The following PMS1 variants were observed in gnomAD, a reference collection of about 807,000 sequenced individuals.
PMS1 encodes the protein PMS1 protein homolog 1.
In PMS1, 79 loss-of-function variants were observed where a neutral mutation model predicts 93.1. The ratio of observed to expected loss-of-function variants is 0.85; its 90% CI spans 0.71 to 1.02. The LOEUF (loss-of-function observed/expected upper bound fraction) is 1.02, where lower values mean the gene tolerates loss of function less well. Among genes scored for constraint, PMS1 ranks in the 50% least tolerant of loss-of-function variants. PMS1 has a pLI of 0.00. For missense variants in PMS1, 1,064 were observed against 1,085.3 expected (o/e 0.98, Z 0.28); for synonymous variants, 335 against 363.4 (o/e 0.92, Z 0.89).
chr2:189,853,508 T>C (rs1037076903), intron 7 of PMS1, among the ~76,000 whole-genome samples: 21 of 144,542 alleles, frequency 1.5e-4, no homozygotes, highest in Admixed American at 1.4e-3. Flanking sequence ...TGCTTTTCTT[T>C]TCTTTTCTTT....
intron 5 of PMS1, among the ~76,000 whole-genome samples, chr2:189,840,941 C>T (rs2053772022): frequency 6.6e-6 from 1 of 152,162 alleles, no homozygotes; most frequent in Non-Finnish European, 1.5e-5. Context: ...GGAGATTACA[C>T]AGCGTATCAC....
At chr2:189,875,955 C>CAAAAAAAA (rs561168809) in intron 12 of PMS1, among the ~76,000 whole-genome samples, 36 of 46,174 alleles carry the variant, frequency 7.8e-4, no homozygotes, top group African/African-American at 2.7e-3. Flanking sequence ...GACTCTGTCT[C>CAAAAAAAA]AAAAAAAAAA....
At chr2:189,805,308 A>G (rs954548590) in intron 3 of PMS1, among the ~76,000 whole-genome samples, 8 of 152,208 alleles carry the variant, frequency 5.3e-5, no homozygotes, top group African/African-American at 1.9e-4. Context: ...ATAGTCTGTT[A>G]AAAAGCAAGT....
chr2:189,794,918 G>A (rs1344760268), intron 2 of PMS1, among the ~76,000 whole-genome samples: 1 of 152,042 alleles, frequency 6.6e-6, no homozygotes, highest in Non-Finnish European at 1.5e-5. Context: ...ACAACAAAGT[G>A]AGACCCCACC....
chr2:189,876,211 TGA>T (rs1188227853), intron 12 of PMS1, among the ~76,000 whole-genome samples: 1 of 152,126 alleles, frequency 6.6e-6, no homozygotes, highest in Non-Finnish European at 1.5e-5. Context: ...AGTTACCTGC[TGA>T]GAGTGGAGGG....
chr2:189,840,517 A>T (rs540500748), intron 5 of PMS1, among the ~76,000 whole-genome samples: 1 of 152,238 alleles, frequency 6.6e-6, no homozygotes, highest in African/African-American at 2.4e-5. Context: ...AATTTAACAT[A>T]CTTTATGTCT....
intron 11 of PMS1, among the ~76,000 whole-genome samples, chr2:189,870,830 G>A: frequency 6.6e-6 from 1 of 152,166 alleles, no homozygotes; most frequent in East Asian, 1.9e-4. Flanking sequence ...ACCACACACA[G>A]TTTTGAGTTT....
chr2:189,857,948 A>G (rs1229113934), intron 9 of PMS1, among the ~76,000 whole-genome samples: 1 of 152,070 alleles, frequency 6.6e-6, no homozygotes, highest in African/African-American at 2.4e-5. Context: ...TAGAAGGAAC[A>G]TGGTGTTATT....
chr2:189,785,521 C>G, intron 1 of PMS1: 1 of 152,194 alleles, frequency 6.6e-6, no homozygotes, highest in East Asian at 1.9e-4. Flanking sequence ...GTATAGAGTG[C>G]TATATTCCAG....
At chr2:189,804,241 T>C (rs2050144340) in intron 3 of PMS1, among the ~76,000 whole-genome samples, 1 of 152,164 alleles carries the variant, frequency 6.6e-6, no homozygotes, top group African/African-American at 2.4e-5. Context: ...AGAAATAGAA[T>C]TCAGTTGACC....
At chr2:189,801,037 A>AT (rs1465594702) in intron 3 of PMS1, among the ~76,000 whole-genome samples, 1 of 152,066 alleles carries the variant, frequency 6.6e-6, no homozygotes, top group Non-Finnish European at 1.5e-5. Context: ...AATTTTTATA[A>AT]TTTTTTGTAG....
rs1692124776 is a variant in PMS1, at chr2:189,841,514, C to T, written c.583-2450C>T. Among the ~76,000 whole-genome samples, 4 of 152,244 alleles carry T rather than the reference C, an allele frequency of 2.6e-5. No individual in the cohort carries two copies. In the South Asian group the frequency reaches 8.3e-4, roughly 32 times the overall value. Reference sequence around the variant, plus strand: ...AGTCATTGATTATTGTCACCTTTTCCAGGAGAGTGCATTCCTTCATTTCTA... The same window carrying T: ...AGTCATTGATTATTGTCACCTTTTCTAGGAGAGTGCATTCCTTCATTTCTA... On this transcript the variant is annotated intron_variant, in intron 5 of 12. Coordinates refer to ENST00000441310, the MANE Select transcript of PMS1 (RefSeq NM_000534.5).
intron 5 of PMS1, among the ~76,000 whole-genome samples, chr2:189,838,338 G>GAA (rs534785581): frequency 1.3e-5 from 2 of 150,500 alleles, no homozygotes; most frequent in Non-Finnish European, 3.0e-5. Flanking sequence ...TTTCCCTAGG[G>GAA]AAAAAAAAAT....
chr2:189,835,906 CAAAAAA>C (rs3067429), intron 5 of PMS1, among the ~76,000 whole-genome samples: 1 of 87,014 alleles, frequency 1.1e-5, no homozygotes. Flanking sequence ...TAGCCTGTCT[CAAAAAA>C]AAAAAAAAAA....
intron 1 of PMS1, among the ~76,000 whole-genome samples, chr2:189,786,014 A>G (rs1461860674): frequency 6.6e-6 from 1 of 152,160 alleles, no homozygotes; most frequent in Non-Finnish European, 1.5e-5. Context: ...AATCCCAGCT[A>G]CTTGCAGGGC....
intron 4 of PMS1, among the ~76,000 whole-genome samples, chr2:189,807,309 A>G (rs755240523): frequency 2.6e-5 from 4 of 152,188 alleles, no homozygotes; most frequent in Non-Finnish European, 5.9e-5. Flanking sequence ...TATTTGATGT[A>G]GAATGATACA....
intron 1 of PMS1, among the ~76,000 whole-genome samples, chr2:189,786,556 C>T (rs191326179): frequency 1.3e-5 from 2 of 152,246 alleles, no homozygotes; most frequent in Admixed American, 1.3e-4. Flanking sequence ...GAGAGCATGG[C>T]CTTTGGAGTC....
rs2106213299 is a variant in PMS1, at chr2:189,791,916, G to A, written c.107G>A (p.Gly36Asp). 1 of 1,614,016 alleles carries A rather than the reference G, an allele frequency of 6.2e-7. No homozygotes were observed. Among genetic ancestry groups the A allele is most frequent in the Non-Finnish European group, 8.5e-7 (1 of 1,179,896 alleles). The change falls in exon 2 of 13, where the codon GGT becomes GAT. Residue 36 changes from glycine (G) to aspartate (D), a missense_variant. Gly to Asp is a moderately conservative substitution (Grantham distance 94). Coordinates refer to ENST00000441310, the MANE Select transcript of PMS1 (RefSeq NM_000534.5). The stretch of plus-strand genomic sequence containing the variant: ...CTTATTGAAAACTCCTTGGATGCTG[G>A]TGCCACAAGCGTAGATGTTAAACTG... ...KELIENSLDA[G>D]ATSVDVKLEN...
chr2:189,872,667 C>T (rs991025824), intron 11 of PMS1, among the ~76,000 whole-genome samples: 1 of 152,134 alleles, frequency 6.6e-6, no homozygotes. Flanking sequence ...GAGTCTTGCT[C>T]TGTTGCCCAG....
Sources: allele counts gnomAD v4.1 joint callset (sites outside exome capture counted in the v4.1 genomes callset), GRCh38; gene constraint gnomAD v4.1.1; transcripts MANE v1.5; gene names NCBI Gene and HGNC (gene_info 2026-07-23, HGNC 2026-07-21).